Variants in RABL3 observed in about 807,000 individuals in gnomAD.
RABL3 encodes the protein RAB, member of RAS oncogene family like 3, also known as rab-like protein 3.
Under a neutral mutation model 31.8 loss-of-function variants are expected in RABL3, and 31 were observed. The observed-to-expected ratio is 0.97, with a 90% CI of 0.73 to 1.31. The LOEUF (loss-of-function observed/expected upper bound fraction) is 1.31, where lower values mean the gene tolerates loss of function less well. RABL3 is among the 40% of genes most tolerant of loss of function. The pLI, the probability that RABL3 is intolerant of heterozygous loss-of-function variation, is 0.00. For missense variants in RABL3, 263 were observed against 279.6 expected (o/e 0.94, Z 0.42); for synonymous variants, 97 against 99.9 (o/e 0.97, Z 0.18).
intron 2 of RABL3, among the ~76,000 whole-genome samples, chr3:120,719,132 G>A (rs377490444): frequency 2.6e-5 from 4 of 152,122 alleles, no homozygotes; most frequent in African/African-American, 9.7e-5. Context: ...TTAGAACACT[G>A]CACCCAACAA....
chr3:120,724,220 T>C (rs1450542034), intron 2 of RABL3, among the ~76,000 whole-genome samples: 1 of 151,996 alleles, frequency 6.6e-6, no homozygotes, highest in Admixed American at 6.6e-5. Context: ...GAGAATAAAA[T>C]ACCTAGGAAT....
chr3:120,706,310 T>C (rs1180415918), intron 3 of RABL3, among the ~76,000 whole-genome samples, 196 bp from the exon 4 acceptor site: 2 of 152,188 alleles, frequency 1.3e-5, no homozygotes, highest in Non-Finnish European at 2.9e-5. Flanking sequence ...CCTTTCTCTG[T>C]CAGTTTTATA....
chr3:120,700,756 A>G (rs1380936032), intron 4 of RABL3, among the ~76,000 whole-genome samples: 1 of 152,114 alleles, frequency 6.6e-6, no homozygotes, highest in East Asian at 1.9e-4. Context: ...GTGGGAGAAG[A>G]TAGAAAGTGG....
Position 120,686,599 on chromosome 3 carries a change from T to G in RABL3, c.*3224A>C, listed in dbSNP as rs1708310158. 6.6e-6 allele frequency: 1 copy of G among 152,214 alleles called. No individual in the cohort carries two copies. The highest frequency in any genetic ancestry group is 1.5e-5 in the Non-Finnish European group (1 of 68,036). The allele number at this position is 152,214 out of a possible 1,614,324, so 9.4% of individuals were successfully genotyped here. On this transcript the variant is annotated 3_prime_UTR_variant, in exon 8 of 8. Coordinates refer to ENST00000273375, the MANE Select transcript of RABL3 (RefSeq NM_173825.5). ...TCAACTCTTTTGGGAATAGCTTTTC[T>G]TAGAGCACTGTAGCGGAGAAGAGCT... is the stretch of plus-strand genomic sequence containing the variant.
rs138487581 is a variant in RABL3, at chr3:120,720,485, C to A, written c.138+10211G>T. 4.8e-3 allele frequency among the ~76,000 whole-genome samples: 737 copies of A among 152,236 alleles called. 2 individuals are homozygous for A. The highest frequency in any genetic ancestry group is 7.9e-3 in the Non-Finnish European group (538 of 68,024). On this transcript the variant is annotated intron_variant, in intron 2 of 7. Coordinates refer to ENST00000273375, the MANE Select transcript of RABL3 (RefSeq NM_173825.5). ...CTAGAATAATCAACACAGACAAGTC[C>A]TTAAAGGACCTGATGGAGCTGAAAA...
intron 1 of RABL3, among the ~76,000 whole-genome samples, chr3:120,735,646 G>A (rs28829058): frequency 0.48 from 72,655 of 151,420 alleles, 18,770 homozygotes; most frequent in Non-Finnish European, 0.59. Flanking sequence ...TAGGGTGTCA[G>A]TTTTAGATCT....
At position 120,706,388 on chromosome 3, in the gene RABL3, C is replaced by T. The variant is rs115685798; in HGVS notation, c.269-274G>A. ...TAGCAGATCTTTACTTCATTCAACA[C>T]TTCCTGAGTGCCTACTCCATGCCTG... On this transcript the variant is annotated intron_variant, in intron 3 of 7. Transcript: ENST00000273375. 1.4e-3 allele frequency among the ~76,000 whole-genome samples: 216 copies of T among 152,204 alleles called. 2 individuals carry two copies. The highest frequency in any genetic ancestry group is 4.5e-3 in the African/African-American group (188 of 41,554).
At chr3:120,729,330 C>T (rs1040288197) in intron 2 of RABL3, among the ~76,000 whole-genome samples, 4 of 151,930 alleles carry the variant, frequency 2.6e-5, no homozygotes, top group African/African-American at 7.3e-5. Flanking sequence ...AATGAAAAGG[C>T]GCTGTATAGG....
rs200567647 is a variant in RABL3, at chr3:120,723,728, A to G, written c.138+6968T>C. 1.2e-4 allele frequency among the ~76,000 whole-genome samples: 18 copies of G among 152,142 alleles called. No homozygotes were observed. The East Asian group carries it at 3.3e-3, about 28-fold the overall frequency. On this transcript the variant is annotated intron_variant, in intron 2 of 7. Coordinates refer to ENST00000273375, the MANE Select transcript of RABL3 (RefSeq NM_173825.5). The stretch of plus-strand genomic sequence containing the variant: ...GATTATGTCAATAGATGCAGAAAAA[A>G]CCTTTGACAAAATTCAACAACCCTT...
rs1429018140 is a variant in RABL3 at position 120,689,260 on chromosome 3, G to A, written c.*563C>T. 1 of 152,196 alleles carries A rather than the reference G, an allele frequency of 6.6e-6. No homozygotes were observed. The highest frequency in any genetic ancestry group is 2.4e-5 in the African/African-American group (1 of 41,434). 9.4% of individuals were successfully genotyped at this position (152,196 alleles called of 1,614,324 possible). On this transcript the variant is annotated 3_prime_UTR_variant, in exon 8 of 8. Coordinates refer to ENST00000273375, the MANE Select transcript of RABL3 (RefSeq NM_173825.5). ...GTCACTGAGCCATTTGCAAAGGAGA[G>A]AAGAGGGAGACAAGGGTTGCTATTA...
At chr3:120,714,527 CT>C (rs1247562356) in intron 2 of RABL3, among the ~76,000 whole-genome samples, 1 of 152,042 alleles carries the variant, frequency 6.6e-6, no homozygotes, top group Non-Finnish European at 1.5e-5. Flanking sequence ...AAAAAAAGCC[CT>C]TCACTTTCCC....
chr3:120,697,891 T>A (rs1708454413), intron 5 of RABL3, among the ~76,000 whole-genome samples: 1 of 152,112 alleles, frequency 6.6e-6, no homozygotes. Flanking sequence ...ATGGGCCAGG[T>A]GCAGTGGCTC....
At chr3:120,731,711 T>C (rs1046942875) in intron 1 of RABL3, among the ~76,000 whole-genome samples, 1 of 152,168 alleles carries the variant, frequency 6.6e-6, no homozygotes, top group Non-Finnish European at 1.5e-5. Context: ...TAGGAACCTA[T>C]TGTTTATTTT....
chr3:120,721,139 A>G (rs181029031), intron 2 of RABL3, among the ~76,000 whole-genome samples: 26 of 152,348 alleles, frequency 1.7e-4, no homozygotes, highest in Admixed American at 1.4e-3. Context: ...AAATGCTGAG[A>G]GATTCTGTCA....
At chr3:120,727,144 A>G (rs1172858155) in intron 2 of RABL3, among the ~76,000 whole-genome samples, 2 of 152,196 alleles carry the variant, frequency 1.3e-5, no homozygotes, top group Admixed American at 1.3e-4. Context: ...AAACCCAAAG[A>G]AAGTATGTTC....
At chr3:120,733,521 C>T (rs1708914525) in intron 1 of RABL3, among the ~76,000 whole-genome samples, 1 of 152,182 alleles carries the variant, frequency 6.6e-6, no homozygotes, top group East Asian at 1.9e-4. Flanking sequence ...CCTGTTCACT[C>T]TGATGGTAGT....
chr3:120,713,697 C>A (rs1483879013), intron 2 of RABL3, among the ~76,000 whole-genome samples: 1 of 152,126 alleles, frequency 6.6e-6, no homozygotes, highest in African/African-American at 2.4e-5. Context: ...AACGATGCTG[C>A]CACTTTGGAC....
At chr3:120,739,620 C>G (rs1260034055) in intron 1 of RABL3, among the ~76,000 whole-genome samples, 1 of 151,960 alleles carries the variant, frequency 6.6e-6, no homozygotes, top group Non-Finnish European at 1.5e-5. Flanking sequence ...CAAACATTTT[C>G]TCAGGCTTCC....
At chr3:120,736,114 T>C (rs925376011) in intron 1 of RABL3, among the ~76,000 whole-genome samples, 1 of 152,200 alleles carries the variant, frequency 6.6e-6, no homozygotes, top group African/African-American at 2.4e-5. Flanking sequence ...ACTTTCTGTC[T>C]TGTTGATCTG....
Sources: allele counts gnomAD v4.1 joint callset (sites outside exome capture counted in the v4.1 genomes callset), GRCh38; gene constraint gnomAD v4.1.1; transcripts MANE v1.5; gene names NCBI Gene and HGNC (gene_info 2026-07-23, HGNC 2026-07-21).